Variants in MMD2 observed in about 807,000 individuals in gnomAD.
MMD2 encodes monocyte to macrophage differentiation factor 2.
MMD2 carries 30 observed loss-of-function variants against 33.5 expected under a neutral mutation model. The ratio of observed to expected loss-of-function variants is 0.90; its 90% CI spans 0.67 to 1.22. The LOEUF is 1.22. MMD2 is among the 50% of genes most tolerant of loss of function. The probability of loss-of-function intolerance (pLI) is 0.00; values close to 1 mark genes in which losing one functional copy is unlikely to be tolerated. For missense variants in MMD2, 364 were observed against 325.4 expected (o/e 1.12, Z -0.91); for synonymous variants, 129 against 123.0 (o/e 1.05, Z -0.32).
At chr7:4,905,521 AAGG>A (rs529734029), downstream of MMD2, among the ~76,000 whole-genome samples, 9 of 151,894 alleles carry the variant, frequency 5.9e-5, no homozygotes, top group South Asian at 1.7e-3. This position sits in a 1 kb window ranked among gnomAD's most constrained non-coding sequence, Gnocchi z 5.0. Context: ...AGCAAGGAAG[AAGG>A]AGTAGTCCCA....
intron 1 of MMD2, among the ~76,000 whole-genome samples, chr7:4,936,151 C>T (rs1457814441): frequency 6.8e-6 from 1 of 147,108 alleles, no homozygotes; most frequent in East Asian, 2.0e-4. Context: ...TGCCACTGCA[C>T]TCCAGTCTGG....
the MMD2 span, among the ~76,000 whole-genome samples, chr7:4,892,617 A>AATAAATAAATCAATCT: frequency 1.3e-5 from 2 of 149,262 alleles, no homozygotes; most frequent in Admixed American, 1.4e-4. Context: ...TAAATAAATA[A>AATAAATAAATCAATCT]ATCTGAAAAA....
chr7:4,931,489 G>A (rs554166243), intron 1 of MMD2, among the ~76,000 whole-genome samples: 52 of 150,132 alleles, frequency 3.5e-4, no homozygotes, highest in Non-Finnish European at 7.0e-4. Context: ...GTCTCACTCT[G>A]TCACCCAGGC....
At chr7:4,913,200 G>A (rs1343634752) in intron 4 of MMD2, among the ~76,000 whole-genome samples, 3 of 152,066 alleles carry the variant, frequency 2.0e-5, no homozygotes, top group Non-Finnish European at 2.9e-5. Flanking sequence ...CTAAAAATAG[G>A]TCACTGGGTA....
intron 4 of MMD2, among the ~76,000 whole-genome samples, chr7:4,915,647 G>A (rs1423182556): frequency 2.0e-5 from 3 of 151,908 alleles, no homozygotes; most frequent in Non-Finnish European, 4.4e-5. Context: ...GGCAGAGGCA[G>A]GAGAATCGCT....
intron 3 of MMD2, among the ~76,000 whole-genome samples, chr7:4,917,697 A>G (rs1255525199): frequency 1.3e-5 from 2 of 151,850 alleles, no homozygotes; most frequent in African/African-American, 2.4e-5. Context: ...TGTCTCAAAA[A>G]AAAAATAAAA....
In MMD2 at chr7:4,907,510, G is replaced by C. The variant is rs1402634274; in HGVS notation, c.627C>G (p.Pro209=). The change falls in exon 7 of 7, where the codon CCC becomes CCG. Residue 209 remains proline, a synonymous_variant. Coordinates refer to ENST00000401401, the MANE Select transcript of MMD2 (RefSeq NM_198403.4). The part of the protein sequence containing the change: ...MVFFKSDGRI[P]FAHAIWHLFV... ...AGAGATGCCAGATGGCGTGGGCAAA[G>C]GGGATCCTCCCGTCACTCTTGAAGA... The C allele has an allele frequency of 6.2e-7, 1 of 1,613,826 alleles. No individual in the cohort carries two copies. The highest frequency in any genetic ancestry group is 1.3e-5 in the African/African-American group (1 of 74,940).
Position 4,946,136 on chromosome 7 carries a change from C to G in MMD2, c.47+12835G>C, listed in dbSNP as rs373680876. 1.3e-5 allele frequency among the ~76,000 whole-genome samples: 2 copies of G among 151,548 alleles called. No homozygotes were observed. The highest frequency in any genetic ancestry group is 4.9e-5 in the African/African-American group (2 of 41,232). On this transcript the variant is annotated intron_variant, in intron 1 of 6. Coordinates refer to ENST00000401401, the MANE Select transcript of MMD2 (RefSeq NM_198403.4). This position sits in a 1 kb window ranked among gnomAD's most constrained non-coding sequence, Gnocchi z 5.0. Reference sequence around the variant, plus strand: ...GCACACGCACGCACACACCTGCACACGCACGCACACCCACACCCGCGCGCA... The same window carrying G: ...GCACACGCACGCACACACCTGCACAGGCACGCACACCCACACCCGCGCGCA...
At chr7:4,896,026 A>G in the MMD2 span, among the ~76,000 whole-genome samples, 1 of 146,616 alleles carries the variant, frequency 6.8e-6, no homozygotes, top group Non-Finnish European at 1.5e-5. Flanking sequence ...ATGACCCTGC[A>G]TGGTATGATG....
chr7:4,919,787 T>C (rs940961401), intron 3 of MMD2, among the ~76,000 whole-genome samples: 6 of 151,720 alleles, frequency 4.0e-5, no homozygotes, highest in African/African-American at 1.5e-4. Flanking sequence ...TCCCAGCTAC[T>C]CGGGAGGCTG....
At chr7:4,904,527 T>C (rs748133994), downstream of MMD2, among the ~76,000 whole-genome samples, 39 of 152,306 alleles carry the variant, frequency 2.6e-4, no homozygotes, top group Non-Finnish European at 5.4e-4. Flanking sequence ...AGACTACAGT[T>C]GGAAATTCCA....
intron 1 of MMD2, among the ~76,000 whole-genome samples, chr7:4,926,354 A>G (rs899041737): frequency 1.3e-5 from 2 of 150,288 alleles, no homozygotes; most frequent in African/African-American, 4.9e-5. Flanking sequence ...TTGGCTTCCC[A>G]AAGTGCTGGG....
chr7:4,905,323 A>C (rs557003862), downstream of MMD2, among the ~76,000 whole-genome samples: 118 of 150,050 alleles, frequency 7.9e-4, no homozygotes, highest in South Asian at 1.5e-3. The surrounding 1 kb of genome is among the most constrained non-coding windows in gnomAD (Gnocchi z 5.0). Flanking sequence ...GAAGAAGAAG[A>C]AGCAGCAATG....
At chr7:4,896,456 G>T in the MMD2 span, among the ~76,000 whole-genome samples, 3 of 152,106 alleles carry the variant, frequency 2.0e-5, no homozygotes, top group East Asian at 1.9e-4. Context: ...CTCCAGCCTG[G>T]GTGACAGAGC....
At chr7:4,928,561 G>A (rs574765359) in intron 1 of MMD2, among the ~76,000 whole-genome samples, 24 of 150,940 alleles carry the variant, frequency 1.6e-4, no homozygotes, top group Non-Finnish European at 2.7e-4. Context: ...TATTAGGCAG[G>A]TTCTGTGTGC....
chr7:4,898,471 C>T, the MMD2 span, among the ~76,000 whole-genome samples: 1 of 152,142 alleles, frequency 6.6e-6, no homozygotes, highest in African/African-American at 2.4e-5. Context: ...TAATTTGAAA[C>T]AATGACATAA....
downstream of MMD2, among the ~76,000 whole-genome samples, chr7:4,904,515 C>A (rs1583350044): frequency 6.6e-6 from 1 of 152,256 alleles, no homozygotes; most frequent in East Asian, 1.9e-4. Flanking sequence ...CATGTTCTCA[C>A]CAGACTACAG....
the MMD2 span, among the ~76,000 whole-genome samples, chr7:4,898,849 A>T: frequency 2.0e-5 from 3 of 152,174 alleles, no homozygotes; most frequent in Non-Finnish European, 4.4e-5. Flanking sequence ...CAGTGAGCCA[A>T]GATCACACTA....
At chr7:4,927,409 G>A (rs974368785) in intron 1 of MMD2, among the ~76,000 whole-genome samples, 1 of 152,090 alleles carries the variant, frequency 6.6e-6, no homozygotes, top group Non-Finnish European at 1.5e-5. Flanking sequence ...GCTGGGAGTG[G>A]TGGCATGTGC....
Sources: gnomAD v4.1 joint callset for allele counts (sites outside exome capture counted in the v4.1 genomes callset) on GRCh38, gnomAD v4.1.1 for gene constraint, Gnocchi (gnomAD v3.1) non-coding constraint, MANE v1.5 for transcripts, NCBI Gene and HGNC (gene_info 2026-07-23, HGNC 2026-07-21) for gene names.